UBE4A: variants seen among roughly 807,000 people sequenced by gnomAD.
UBE4A encodes the protein ubiquitin conjugation factor E4 A.
In UBE4A, 48 loss-of-function variants were observed where a neutral mutation model predicts 117.9. The ratio of observed to expected loss-of-function variants is 0.41; its 90% CI spans 0.32 to 0.52. The LOEUF (loss-of-function observed/expected upper bound fraction) is 0.52. Among genes scored for constraint, UBE4A ranks in the 20% least tolerant of loss-of-function variants. The pLI is 0.33. For synonymous variants in UBE4A, 407 were observed against 450.0 expected (o/e 0.90, Z 1.21); for missense variants, 1,067 against 1,296.3 (o/e 0.82, Z 2.72).
At chr11:118,363,701 T>A (rs1948540308) in intron 1 of UBE4A, among the ~76,000 whole-genome samples, 1 of 145,968 alleles carries the variant, frequency 6.9e-6, no homozygotes. Flanking sequence ...AACCTCTGCC[T>A]CCCGAGTCCA....
intron 19 of UBE4A, among the ~76,000 whole-genome samples, chr11:118,394,288 C>A (rs1555129169): frequency 6.6e-6 from 1 of 152,136 alleles, no homozygotes; most frequent in East Asian, 1.9e-4. Context: ...CACCAAGTAA[C>A]TGGGACCACA....
chr11:118,367,185 G>T (rs1474135177), intron 2 of UBE4A, among the ~76,000 whole-genome samples: 1 of 151,054 alleles, frequency 6.6e-6, no homozygotes, highest in Non-Finnish European at 1.5e-5. Context: ...GGGCGACAGA[G>T]TGAGAGTCCA....
chr11:118,384,970 A>G, intron 15 of UBE4A, 25 bp downstream of exon 15: 2 of 1,378,418 alleles, frequency 1.5e-6, no homozygotes, highest in Non-Finnish European at 2.0e-6. Context: ...AAAAAAAAAG[A>G]TTTAACTTCT....
intron 15 of UBE4A, among the ~76,000 whole-genome samples, chr11:118,385,966 G>T (rs570858799): frequency 6.6e-6 from 1 of 152,312 alleles, no homozygotes; most frequent in Admixed American, 6.5e-5. Flanking sequence ...GAAGGATGAC[G>T]TGAGGTAGAG....
intron 2 of UBE4A, among the ~76,000 whole-genome samples, chr11:118,365,443 G>A (rs1320596327): frequency 6.6e-6 from 1 of 152,060 alleles, no homozygotes; most frequent in Non-Finnish European, 1.5e-5. Flanking sequence ...GGTAACAGGT[G>A]GTTCCATAGT....
chr11:118,392,872 C>G lies in UBE4A; in HGVS notation c.3051C>G (p.Ser1017=). ...LPSSRVTVDR[S]TIARHLLSDQ... is the part of the protein sequence containing the mutation. ...CTTCCAGAGTCACTGTGGATAGATC[C>G]ACCATTGCAAGACATTTGCTCAGGT... is the stretch of plus-strand genomic sequence containing the variant. The change falls in exon 19 of 20, where the codon TCC becomes TCG. Residue 1017 remains serine (S), a synonymous_variant. Transcript: ENST00000252108. 1 of 1,614,008 alleles carries G rather than the reference C, an allele frequency of 6.2e-7. No homozygotes were observed. The highest frequency in any genetic ancestry group is 8.5e-7 in the Non-Finnish European group (1 of 1,179,998).
In UBE4A at chr11:118,392,724, T is replaced by G. The variant is rs782445070; in HGVS notation, c.2917-14T>G. On this transcript the variant is annotated splice_polypyrimidine_tract_variant and intron_variant, in intron 18 of 19. Coordinates refer to ENST00000252108, the MANE Select transcript of UBE4A (RefSeq NM_001204077.2). ...CTGTGAATTCACTTTAACTACCAGA[T>G]GTTGTATACTCAGTCTCTTGCAGAC... The G allele has an allele frequency of 4.3e-6, 7 of 1,611,536 alleles. No homozygotes were observed. The highest frequency in any genetic ancestry group is 1.7e-4 in the Middle Eastern group (1 of 6,020).
At chr11:118,363,558 A>G (rs1351441818) in intron 1 of UBE4A, among the ~76,000 whole-genome samples, 1 of 152,054 alleles carries the variant, frequency 6.6e-6, no homozygotes, top group Admixed American at 6.5e-5. Flanking sequence ...AATGTTATAA[A>G]TAATCTCTTT....
chr11:118,362,942 CTTCTGGA>C (rs971738942), intron 1 of UBE4A, among the ~76,000 whole-genome samples: 2 of 152,124 alleles, frequency 1.3e-5, no homozygotes, highest in Non-Finnish European at 2.9e-5. Context: ...TGGTCAGCCT[CTTCTGGA>C]TTGAGTGGAG....
intron 19 of UBE4A, among the ~76,000 whole-genome samples, chr11:118,394,982 AT>A (rs1555129320): frequency 2.0e-5 from 3 of 152,126 alleles, no homozygotes; most frequent in Non-Finnish European, 4.4e-5. Flanking sequence ...AAACAGATAG[AT>A]ACATGTGGTA....
chr11:118,374,323 C>G (rs1044073111), intron 8 of UBE4A, among the ~76,000 whole-genome samples: 1 of 152,132 alleles, frequency 6.6e-6, no homozygotes, highest in Non-Finnish European at 1.5e-5. Context: ...CTTTTCGTGT[C>G]TCCACCTATG....
At chr11:118,386,157 T>C (rs1388676740) in intron 15 of UBE4A, among the ~76,000 whole-genome samples, 3 of 152,198 alleles carry the variant, frequency 2.0e-5, no homozygotes, top group African/African-American at 4.8e-5. Flanking sequence ...TATATTAAAC[T>C]ATTCATCCTT....
At chr11:118,375,618 C>CA (rs1305812702) in intron 9 of UBE4A, among the ~76,000 whole-genome samples, 2 of 152,046 alleles carry the variant, frequency 1.3e-5, no homozygotes, top group Non-Finnish European at 2.9e-5. Flanking sequence ...CTCAGCCTCT[C>CA]AAAGTGCTGG....
intron 8 of UBE4A, 31 bp from the exon 9 acceptor site, chr11:118,374,865 C>A (rs1555125095): frequency 4.1e-6 from 6 of 1,467,364 alleles, no homozygotes; most frequent in Non-Finnish European, 2.7e-6. Flanking sequence ...GATTGTGAAA[C>A]GTTCTGTGGT....
chr11:118,383,261 ACTAT>A (rs1948722662), intron 13 of UBE4A, among the ~76,000 whole-genome samples: 1 of 152,138 alleles, frequency 6.6e-6, no homozygotes, highest in African/African-American at 2.4e-5. Flanking sequence ...TCTTAACCAG[ACTAT>A]CTAACTCTCC....
intron 16 of UBE4A, among the ~76,000 whole-genome samples, chr11:118,387,586 C>T (rs1948771270): frequency 2.0e-5 from 3 of 152,102 alleles, no homozygotes; most frequent in Non-Finnish European, 2.9e-5. Context: ...TCAAAGACAG[C>T]CTCTAAATTG....
chr11:118,361,669 T>G (rs2134082871), intron 1 of UBE4A, among the ~76,000 whole-genome samples: 1 of 152,276 alleles, frequency 6.6e-6, no homozygotes, highest in African/African-American at 2.4e-5. Flanking sequence ...AGAGACTTAT[T>G]TCCATCCACC....
chr11:118,388,606 G>A (rs916703518), intron 16 of UBE4A, among the ~76,000 whole-genome samples: 18 of 150,572 alleles, frequency 1.2e-4, no homozygotes, highest in Non-Finnish European at 2.4e-4. Context: ...CAGAGATCAC[G>A]CCACTGCGCT....
At chr11:118,380,658 G>A (rs1471377272) in intron 11 of UBE4A, among the ~76,000 whole-genome samples, 1 of 152,160 alleles carries the variant, frequency 6.6e-6, no homozygotes, top group Admixed American at 6.5e-5. Flanking sequence ...CTGACTCAGA[G>A]TTCCTCAGGA....
Sources: gnomAD v4.1 joint callset for allele counts (sites outside exome capture counted in the v4.1 genomes callset) on GRCh38, gnomAD v4.1.1 for gene constraint, MANE v1.5 for transcripts, NCBI Gene and HGNC (gene_info 2026-07-23, HGNC 2026-07-21) for gene names.